Variants in TENM3 observed in about 807,000 individuals in gnomAD.
TENM3 encodes teneurin-3.
TENM3 carries 63 observed loss-of-function variants against 255.1 expected under a neutral mutation model. That is an observed-to-expected ratio of 0.25 (90% confidence interval 0.20 to 0.30). The LOEUF is 0.30. Among genes scored for constraint, TENM3 ranks in the 10% least tolerant of loss-of-function variants. The probability of loss-of-function intolerance (pLI) is 1.00; values close to 1 mark genes in which losing one functional copy is unlikely to be tolerated. For missense variants in TENM3, 2,929 were observed against 3,461.1 expected (o/e 0.85, Z 3.86); for synonymous variants, 1,306 against 1,322.3 (o/e 0.99, Z 0.27).
chr4:181,607,433 T>G, the TENM3 span, among the ~76,000 whole-genome samples: 1 of 152,252 alleles, frequency 6.6e-6, no homozygotes, highest in South Asian at 2.1e-4. Context: ...TTTTTCTTTT[T>G]GAGACGGAGT....
At chr4:181,696,044 G>T in the TENM3 span, among the ~76,000 whole-genome samples, 1 of 152,012 alleles carries the variant, frequency 6.6e-6, no homozygotes, top group Non-Finnish European at 1.5e-5. Context: ...ATGTGTAAAT[G>T]AGCCCCTTAA....
At chr4:182,573,230 T>TA (rs1425005026) in intron 3 of TENM3, among the ~76,000 whole-genome samples, 1 of 152,184 alleles carries the variant, frequency 6.6e-6, no homozygotes, top group African/African-American at 2.4e-5. Context: ...GAGTAGGACT[T>TA]ACCGAATAAT....
chr4:181,498,356 G>A, the TENM3 span, among the ~76,000 whole-genome samples: 10 of 152,174 alleles, frequency 6.6e-5, no homozygotes, highest in East Asian at 1.9e-3. Flanking sequence ...AATCAAGGAG[G>A]TGAAAATCCC....
chr4:182,681,819 T>A lies in TENM3; in HGVS notation c.1840T>A (p.Cys614Ser), dbSNP rs775773993. 4.3e-6 allele frequency: 7 copies of A among 1,610,418 alleles called. No individual in the cohort carries two copies. The East Asian group carries it at 1.3e-4, about 31-fold the overall frequency. Residue 614 changes from cysteine (C) to serine (S), a missense_variant, in exon 11 of 28, where the codon TGT becomes AGT. Cys to Ser is a moderately radical substitution (Grantham distance 112, BLOSUM62 -1). Coordinates refer to ENST00000511685, the MANE Select transcript of TENM3 (RefSeq NM_001080477.4). The part of the protein sequence containing the change: ...YKGESCEEAD[C>S]IDPGCSNHGV... Reference sequence around the variant, plus strand: ...TGTTCTTTTCTTTACACCAGCTGACTGTATAGACCCTGGGTGTTCTAATCA... The same window carrying A: ...TGTTCTTTTCTTTACACCAGCTGACAGTATAGACCCTGGGTGTTCTAATCA...
At chr4:182,601,911 A>G (rs1747922256) in intron 4 of TENM3, among the ~76,000 whole-genome samples, 1 of 152,226 alleles carries the variant, frequency 6.6e-6, no homozygotes, top group South Asian at 2.1e-4. Flanking sequence ...AGGCTTCAGC[A>G]GTTTAATGGT....
intron 4 of TENM3, among the ~76,000 whole-genome samples, chr4:182,608,598 C>T (rs1748656895): frequency 6.6e-6 from 1 of 152,212 alleles, no homozygotes; most frequent in Non-Finnish European, 1.5e-5. Context: ...AAAGAGCGCC[C>T]TGCTCGTCCG....
rs1237368073 is a variant in TENM3, at chr4:182,252,978, C to T, written c.-76+9502C>T. Among the ~76,000 whole-genome samples, 18 of 152,186 alleles carry T rather than the reference C, an allele frequency of 1.2e-4. 1 individual carries two copies. Among genetic ancestry groups the T allele is most frequent in the Non-Finnish European group, 1.5e-5 (1 of 68,036 alleles). The stretch of plus-strand genomic sequence containing the variant: ...ACCCAGGCCTCTCTGTATCAAAGGC[C>T]TTGGCTATATTTTCCCATGAACTCT... On this transcript the variant is annotated intron_variant, in intron 1 of 27. Coordinates refer to ENST00000511685, the MANE Select transcript of TENM3 (RefSeq NM_001080477.4).
chr4:182,066,754 CAA>C, the TENM3 span, among the ~76,000 whole-genome samples: 7 of 151,588 alleles, frequency 4.6e-5, no homozygotes, highest in East Asian at 3.9e-4. Context: ...ACTAAAAATA[CAA>C]AAAAATTAGC....
At chr4:181,602,289 C>A in the TENM3 span, among the ~76,000 whole-genome samples, 2 of 152,158 alleles carry the variant, frequency 1.3e-5, no homozygotes, top group South Asian at 4.1e-4. Flanking sequence ...ACATCCATTA[C>A]CCAGCAAGCT....
At chr4:182,254,333 C>CTTTT (rs36054102) in intron 1 of TENM3, among the ~76,000 whole-genome samples, 12 of 146,400 alleles carry the variant, frequency 8.2e-5, no homozygotes, top group African/African-American at 3.0e-4. Flanking sequence ...TTCTCTCTCT[C>CTTTT]TTTTTTTTTT....
At chr4:181,663,249 G>A in the TENM3 span, among the ~76,000 whole-genome samples, 4 of 152,122 alleles carry the variant, frequency 2.6e-5, no homozygotes, top group African/African-American at 9.7e-5. Flanking sequence ...TGAAGCGTCT[G>A]TGGTTTCCTT....
At chr4:181,993,146 T>C in the TENM3 span, among the ~76,000 whole-genome samples, 2 of 152,142 alleles carry the variant, frequency 1.3e-5, no homozygotes, top group Non-Finnish European at 2.9e-5. Flanking sequence ...ACATATCCCA[T>C]ATGGGTACGA....
chr4:181,733,223 C>G, the TENM3 span, among the ~76,000 whole-genome samples: 129,139 of 152,168 alleles, frequency 0.85, 54,881 homozygotes, highest in East Asian at 0.94. Context: ...AAGAAAGGTA[C>G]ATAGATGTAA....
At chr4:181,641,637 T>G in the TENM3 span, among the ~76,000 whole-genome samples, 1 of 48,470 alleles carries the variant, frequency 2.1e-5, no homozygotes, top group Non-Finnish European at 4.5e-5. Context: ...TGTATATATA[T>G]ATAATGGAAA....
At chr4:182,302,604 A>T (rs1761913760) in intron 1 of TENM3, among the ~76,000 whole-genome samples, 1 of 152,210 alleles carries the variant, frequency 6.6e-6, no homozygotes, top group Non-Finnish European at 1.5e-5. Flanking sequence ...CAAAATAATG[A>T]TAACAGAAGA....
At chr4:181,469,854 A>C in the TENM3 span, among the ~76,000 whole-genome samples, 1 of 152,214 alleles carries the variant, frequency 6.6e-6, no homozygotes, top group African/African-American at 2.4e-5. Context: ...TAAGCCTTTA[A>C]AATATCACTT....
At chr4:182,385,015 C>T (rs1194550980) in intron 3 of TENM3, among the ~76,000 whole-genome samples, 2 of 152,132 alleles carry the variant, frequency 1.3e-5, no homozygotes, top group African/African-American at 4.8e-5. Context: ...AGAGCTTCTT[C>T]ATCAGTGCAG....
Position 182,601,438 on chromosome 4 carries a change from CAA to C in TENM3, c.749+279_749+280del, listed in dbSNP as rs74841854. 0.12 allele frequency among the ~76,000 whole-genome samples: 17,597 copies of C among 151,978 alleles called. 1,873 individuals carry two copies. The highest frequency in any genetic ancestry group is 0.54 in the East Asian group (2,742 of 5,114). ...CCACTGTTTGTTTTTTTCTTATCTA[CAA>C]ATTATCAGGCATGTGGAGAAAAGGA... is the stretch of plus-strand genomic sequence containing the variant. On this transcript the variant is annotated intron_variant, in intron 4 of 27. Coordinates refer to ENST00000511685, the MANE Select transcript of TENM3 (RefSeq NM_001080477.4).
chr4:181,617,966 T>C, the TENM3 span, among the ~76,000 whole-genome samples: 2 of 152,226 alleles, frequency 1.3e-5, no homozygotes, highest in Non-Finnish European at 2.9e-5. Context: ...GTAATCTTTA[T>C]TGAGTGCACA....
Sources: gnomAD v4.1 joint callset for allele counts (sites outside exome capture counted in the v4.1 genomes callset) on GRCh38, gnomAD v4.1.1 for gene constraint, MANE v1.5 for transcripts, NCBI Gene and HGNC (gene_info 2026-07-23, HGNC 2026-07-21) for gene names.